Variants in PDE12 observed in about 807,000 individuals in gnomAD.
The protein encoded by PDE12 is phosphodiesterase 12.
A neutral mutation model predicts 45.4 loss-of-function variants in PDE12; 26 were observed. The ratio of observed to expected loss-of-function variants is 0.57; its 90% confidence interval spans 0.42 to 0.79. The LOEUF (loss-of-function observed/expected upper bound fraction) is 0.79, where lower values mean the gene tolerates loss of function less well. Ranked by LOEUF, PDE12 falls within the 30% of genes least tolerant of loss-of-function variation. The pLI, the probability that PDE12 is intolerant of heterozygous loss-of-function variation, is 0.00. For synonymous variants in PDE12, 283 were observed against 323.9 expected, an observed-to-expected ratio of 0.87 and a Z score of 1.36; for missense variants, 668 against 790.0, an observed-to-expected ratio of 0.85 and a Z score of 1.85.
chr3:57,558,417 A>C (rs1442661152), intron 1 of PDE12, among the ~76,000 whole-genome samples: 2 of 152,230 alleles, frequency 1.3e-5, no homozygotes, highest in African/African-American at 4.8e-5. Flanking sequence ...CTTACGCTTG[A>C]AAACACTTTC....
At chr3:57,604,292 ATC>A in the PDE12 span, among the ~76,000 whole-genome samples, 1 of 152,114 alleles carries the variant, frequency 6.6e-6, no homozygotes, top group Non-Finnish European at 1.5e-5. Flanking sequence ...GAGAGAATTA[ATC>A]TACAAATTTT....
the PDE12 span, among the ~76,000 whole-genome samples, chr3:57,609,194 A>G: frequency 6.6e-6 from 1 of 152,200 alleles, no homozygotes; most frequent in Non-Finnish European, 1.5e-5. Context: ...CAATGAGAAC[A>G]AAGACACAAC....
At chr3:57,595,894 T>G in the PDE12 span, among the ~76,000 whole-genome samples, 4 of 150,898 alleles carry the variant, frequency 2.7e-5, no homozygotes, top group African/African-American at 9.8e-5. Context: ...GAGGTTGCAG[T>G]GAGCCGAGAT....
chr3:57,610,500 C>G, the PDE12 span, among the ~76,000 whole-genome samples: 2 of 143,668 alleles, frequency 1.4e-5, no homozygotes, highest in Non-Finnish European at 3.1e-5. Context: ...CATCTCCGCC[C>G]AAAATCTCCT....
At chr3:57,598,232 G>A in the PDE12 span, 1 of 152,048 alleles carries the variant, frequency 6.6e-6, no homozygotes, top group Admixed American at 6.6e-5. Context: ...AATGATAAAT[G>A]TATTAGACTC....
the PDE12 span, among the ~76,000 whole-genome samples, chr3:57,589,729 CAA>C: frequency 6.7e-6 from 1 of 149,486 alleles, no homozygotes; most frequent in East Asian, 2.0e-4. Context: ...AAAAAACAAA[CAA>C]AAAACCCAAA....
At chr3:57,608,488 G>A in the PDE12 span, among the ~76,000 whole-genome samples, 2 of 151,884 alleles carry the variant, frequency 1.3e-5, no homozygotes, top group African/African-American at 2.4e-5. Flanking sequence ...GTATTCAGGA[G>A]ACCCATCTCA....
the PDE12 span, among the ~76,000 whole-genome samples, chr3:57,634,082 T>G: frequency 6.6e-6 from 1 of 152,092 alleles, no homozygotes; most frequent in Admixed American, 6.5e-5. Context: ...CAGCCCCAAA[T>G]TCATGCCCAT....
At position 57,566,129 on chromosome 3, in the gene PDE12, A is replaced by T. The variant is rs1041996916; in HGVS notation, c.*6125A>T. 6.6e-6 allele frequency: 1 copy of T among 152,088 alleles called. No homozygotes were observed. The highest frequency in any genetic ancestry group is 2.4e-5 in the African/African-American group (1 of 41,400). 9.4% of individuals were successfully genotyped at this position (152,088 alleles called of 1,614,324 possible). On this transcript the variant is annotated 3_prime_UTR_variant, in exon 3 of 3. Transcript: ENST00000311180. Reference sequence around the variant, plus strand: ...TCAGTTGACAAGGACTGGCCCCCAAAAGAAGCTGCATACTCACTTGGCAGT... The same window carrying T: ...TCAGTTGACAAGGACTGGCCCCCAATAGAAGCTGCATACTCACTTGGCAGT...
the PDE12 span, chr3:57,641,702 T>C: frequency 6.8e-6 from 11 of 1,612,852 alleles, no homozygotes; most frequent in South Asian, 1.1e-5. Flanking sequence ...AGTGCTGGAG[T>C]GTCTTAGCAA....
the PDE12 span, among the ~76,000 whole-genome samples, chr3:57,647,209 C>T: frequency 1.3e-5 from 2 of 152,058 alleles, no homozygotes; most frequent in Non-Finnish European, 2.9e-5. Context: ...CAATTAAGTG[C>T]AAAAATATGC....
At chr3:57,646,247 TATC>T in the PDE12 span, 1 of 1,541,272 alleles carries the variant, frequency 6.5e-7, no homozygotes, top group Non-Finnish European at 8.7e-7. Flanking sequence ...GTGCTGCAAA[TATC>T]ACCAACAGGT....
the PDE12 span, among the ~76,000 whole-genome samples, chr3:57,595,978 A>T: frequency 2.6e-5 from 4 of 152,012 alleles, no homozygotes; most frequent in Admixed American, 6.6e-5. Flanking sequence ...AGAGAAAAAT[A>T]AAACCTCCTC....
the PDE12 span, among the ~76,000 whole-genome samples, chr3:57,629,422 A>G: frequency 6.6e-6 from 1 of 152,132 alleles, no homozygotes; most frequent in African/African-American, 2.4e-5. Flanking sequence ...AATATAAATG[A>G]AAGTGAGACT....
the PDE12 span, among the ~76,000 whole-genome samples, chr3:57,644,817 AG>A: frequency 2.9e-5 from 1 of 34,662 alleles, no homozygotes; most frequent in African/African-American, 1.4e-4. Flanking sequence ...AGGGGAGGGG[AG>A]GGGGAAAGAC....
At chr3:57,597,293 C>T in the PDE12 span, 3 of 682,548 alleles carry the variant, frequency 4.4e-6, no homozygotes, top group African/African-American at 3.6e-5. Flanking sequence ...GGCCCCTGTG[C>T]CGATGAAGAT....
rs955545931 is a variant in PDE12, at chr3:57,560,016, A to G, written c.*12A>G. ...TAAAATGGAAATAGATGTGTGTTTAATGGAATTGAAGTCTGAAAAGGAAGT... is the reference window on the plus strand; with the variant it reads ...TAAAATGGAAATAGATGTGTGTTTAGTGGAATTGAAGTCTGAAAAGGAAGT... On this transcript the variant is annotated 3_prime_UTR_variant, in exon 3 of 3. Coordinates refer to ENST00000311180, the MANE Select transcript of PDE12 (RefSeq NM_177966.7). 4.4e-6 allele frequency: 7 copies of G among 1,584,150 alleles called. No individual in the cohort carries two copies. The highest frequency in any genetic ancestry group is 6.0e-6 in the Non-Finnish European group (7 of 1,168,558).
At position 57,564,913 on chromosome 3, in the gene PDE12, T is replaced by G. The variant is rs577463977; in HGVS notation, c.*4909T>G. The G allele has an allele frequency of 6.6e-6, 1 of 150,600 alleles. No homozygotes were observed. Among genetic ancestry groups the G allele is most frequent in the African/African-American group, 2.4e-5 (1 of 41,046 alleles). 9.3% of individuals were successfully genotyped at this position (150,600 alleles called of 1,614,324 possible). ...CCAGGCTGGTCTTGAAATTCTCAGT[T>G]CAAGCAGTCCACCCACCTCGGCCTC... On this transcript the variant is annotated 3_prime_UTR_variant, in exon 3 of 3. Transcript: ENST00000311180.
the PDE12 span, among the ~76,000 whole-genome samples, chr3:57,629,817 C>T: frequency 6.6e-6 from 1 of 151,956 alleles, no homozygotes; most frequent in Admixed American, 6.6e-5. Context: ...CCACTGCACC[C>T]GGCCAGTCCA....
Sources: allele counts gnomAD v4.1 joint callset (sites outside exome capture counted in the v4.1 genomes callset), GRCh38; gene constraint gnomAD v4.1.1; transcripts MANE v1.5; gene names NCBI Gene and HGNC (gene_info 2026-07-23, HGNC 2026-07-21).